The following LRRC41 variants were observed in gnomAD, a reference collection of about 807,000 sequenced individuals.
The protein encoded by LRRC41 is leucine rich repeat containing 41.
A neutral mutation model predicts 72.1 loss-of-function variants in LRRC41; 17 were observed. That is an observed-to-expected ratio of 0.24 (90% CI 0.16 to 0.35). LRRC41 has a LOEUF of 0.35. LRRC41 is among the 10% of genes least tolerant of loss of function. The probability of loss-of-function intolerance (pLI) is 1.00; values close to 1 mark genes in which losing one functional copy is unlikely to be tolerated. For missense variants in LRRC41, 759 were observed against 1,065.0 expected (o/e 0.71, Z 4.00); for synonymous variants, 427 against 431.0 (o/e 0.99, Z 0.11).
intron 1 of LRRC41, chr1:46,298,664 C>A: frequency 3.9e-6 from 1 of 257,350 alleles, no homozygotes; most frequent in Non-Finnish European, 7.3e-6. Flanking sequence ...CACTTCTGCC[C>A]AAGCAAAATG....
At chr1:46,282,076 CAAAAA>C (rs11284020) in intron 4 of LRRC41, among the ~76,000 whole-genome samples, 2 of 118,578 alleles carry the variant, frequency 1.7e-5, no homozygotes, top group Non-Finnish European at 3.7e-5. Context: ...AAGACTGTCT[CAAAAA>C]AAAAAAAAAA....
chr1:46,299,062 G>A (rs775999292), intron 1 of LRRC41: 1 of 152,128 alleles, frequency 6.6e-6, no homozygotes, highest in Non-Finnish European at 1.5e-5. Flanking sequence ...GAAACAATTC[G>A]TGTCTCTAAA....
chr1:46,287,355 G>A (rs10890387), intron 3 of LRRC41, among the ~76,000 whole-genome samples: 100,178 of 151,434 alleles, frequency 0.66, 34,097 homozygotes, highest in East Asian at 0.79. Context: ...TGATCCGCCC[G>A]CCTCGGCCTC....
chr1:46,285,274 T>A lies in LRRC41; in HGVS notation c.1495+88A>T, dbSNP rs559892995. 5 of 1,356,470 alleles carry A rather than the reference T, an allele frequency of 3.7e-6. No individual in the cohort carries two copies. In the African/African-American group the frequency reaches 7.2e-5, roughly 20 times the overall value. The allele number at this position is 1,356,470 out of a possible 1,614,324, so 84.0% of individuals were successfully genotyped here. ...TCTAACCTCCTGATCATACCCCCAA[T>A]TTGCCCCTCCCACCTCCCTAGAATT... is the stretch of plus-strand genomic sequence containing the variant. On this transcript the variant is annotated intron_variant, in intron 4 of 9. Transcript: ENST00000617190. The surrounding 1 kb of genome is among the most constrained non-coding windows in gnomAD (Gnocchi z 5.3).
rs1011106345 is a variant in LRRC41, at chr1:46,287,350, C to T, written c.358-851G>A. ...GTCTCGATCTCCTGACCTCATGATC[C>T]GCCCGCCTCGGCCTCCCAAAGTGCT... On this transcript the variant is annotated intron_variant, in intron 3 of 9. Transcript: ENST00000617190. 3.3e-5 allele frequency among the ~76,000 whole-genome samples: 5 copies of T among 152,028 alleles called. No homozygotes were observed. The South Asian group carries it at 6.2e-4, about 19-fold the overall frequency.
At position 46,285,779 on chromosome 1, in the gene LRRC41, CAGA is replaced by C. The variant is rs1330781749; in HGVS notation, c.1075_1077del (p.Ser359del). The C allele has an allele frequency of 2.5e-6, 4 of 1,595,838 alleles. No individual in the cohort carries two copies. Among genetic ancestry groups the C allele is most frequent in the Non-Finnish European group, 2.6e-6 (3 of 1,172,046 alleles). ...GAGGCAGAGGAGGTGGCTGCTGGAGCAGAAGGTGACCGCTTGGTGCCAGGAGCC... is the reference window on the plus strand; with the variant it reads ...GAGGCAGAGGAGGTGGCTGCTGGAGCAGGTGACCGCTTGGTGCCAGGAGCC... On this transcript the variant is annotated inframe_deletion, in exon 4 of 10. Transcript: ENST00000617190. This position sits in a 1 kb window ranked among gnomAD's most constrained non-coding sequence, Gnocchi z 5.3.
chr1:46,296,409 C>A (rs1216220847), intron 3 of LRRC41, among the ~76,000 whole-genome samples: 1 of 151,880 alleles, frequency 6.6e-6, no homozygotes, highest in Non-Finnish European at 1.5e-5. Flanking sequence ...AAGGGCAAAA[C>A]TCCGTCTCAA....
intron 1 of LRRC41, 26 bp from the exon 2 acceptor site, chr1:46,298,396 C>G (rs774481459): frequency 6.8e-7 from 1 of 1,470,500 alleles, no homozygotes; most frequent in South Asian, 1.2e-5. Context: ...CAAAAGTTTA[C>G]TTTTCCTCCC....
chr1:46,295,493 A>G (rs905287213), intron 3 of LRRC41, among the ~76,000 whole-genome samples: 2 of 152,234 alleles, frequency 1.3e-5, no homozygotes, highest in African/African-American at 2.4e-5. Flanking sequence ...CAGGCACTGA[A>G]TAACTGTTTG....
chr1:46,292,778 G>A lies in LRRC41; in HGVS notation c.357+4785C>T, dbSNP rs144478675. Among the ~76,000 whole-genome samples, 661 of 152,098 alleles carry A rather than the reference G, an allele frequency of 4.3e-3. 8 individuals carry two copies. Among genetic ancestry groups the A allele is most frequent in the African/African-American group, 0.015 (620 of 41,502 alleles). On this transcript the variant is annotated intron_variant, in intron 3 of 9. Coordinates refer to ENST00000617190, the MANE Select transcript of LRRC41 (RefSeq NM_006369.5). ...ATTTACCTTTTAAAATTTGGTTATG[G>A]TGTTGGCATTTTCATTTTTTTAATT...
At position 46,278,626 on chromosome 1, in the gene LRRC41, C is replaced by T. The variant is rs1357167681; in HGVS notation, c.*239G>A. 4.9e-6 allele frequency: 3 copies of T among 606,598 alleles called. No individual in the cohort carries two copies. The African/African-American group carries it at 5.6e-5, about 11-fold the overall frequency. The allele number at this position is 606,598 out of a possible 1,614,324, so 37.6% of individuals were successfully genotyped here. ...TATGATGACCACTGTAACCTCCTGG[C>T]CCAGGGTTCCCAGGATACTGAGTAA... On this transcript the variant is annotated 3_prime_UTR_variant, in exon 10 of 10. Transcript: ENST00000617190.
At position 46,303,285 on chromosome 1, in the gene LRRC41, C is replaced by G; in HGVS notation, c.38G>C (p.Trp13Ser). Residue 13 changes from tryptophan (W) to serine (S), a missense_variant, in exon 1 of 10, where the codon TGG (tryptophan) becomes TCG (serine). Trp to Ser is a radical substitution (Grantham distance 177). Coordinates refer to ENST00000617190, the MANE Select transcript of LRRC41 (RefSeq NM_006369.5). ...CGTTGCCGCCGCTACCTCACAGAAC[C>G]AGCAACTCCGGGCGCGCCAGGCCTC... ...APEAWRARSCWFCEVAAATTM... is the reference protein window; with the variant it reads ...APEAWRARSCSFCEVAAATTM... The G allele has an allele frequency of 6.5e-7, 1 of 1,542,364 alleles. No individual in the cohort carries two copies. Among genetic ancestry groups the G allele is most frequent in the Non-Finnish European group, 8.7e-7 (1 of 1,144,776 alleles).
intron 1 of LRRC41, chr1:46,301,903 C>T (rs1661236271): frequency 1.0e-6 from 1 of 969,036 alleles, no homozygotes; most frequent in African/African-American, 1.8e-5. Context: ...CGACCCCACC[C>T]TCACAGAGCC....
chr1:46,285,507 A>C lies in LRRC41; in HGVS notation c.1350T>G (p.Leu450=). The part of the protein sequence containing the change: ...LDGSDPSCLG[L]PALEASQRFR... ...ATCTTTGTGAAGCTTCCAGTGCTGG[A>C]AGCCCCAGGCAGCTGGGATCTGATC... The change falls in exon 4 of 10, where the codon CTT becomes CTG. Residue 450 remains leucine (L), a synonymous_variant. Coordinates refer to ENST00000617190, the MANE Select transcript of LRRC41 (RefSeq NM_006369.5). This position sits in a 1 kb window ranked among gnomAD's most constrained non-coding sequence, Gnocchi z 5.3. 6.2e-7 allele frequency: 1 copy of C among 1,614,166 alleles called. No individual in the cohort carries two copies. Among genetic ancestry groups the C allele is most frequent in the Non-Finnish European group, 8.5e-7 (1 of 1,180,038 alleles).
At chr1:46,280,114 A>G in intron 7 of LRRC41, 78 bp downstream of exon 7, 2 of 1,078,630 alleles carry the variant, frequency 1.9e-6, no homozygotes, top group South Asian at 1.3e-5. Flanking sequence ...AGAAAGGAAC[A>G]GTGGTTTGCT....
At chr1:46,290,384 G>T (rs2148320155) in intron 3 of LRRC41, among the ~76,000 whole-genome samples, 1 of 152,116 alleles carries the variant, frequency 6.6e-6, no homozygotes, top group East Asian at 1.9e-4. Context: ...ACTTCAGCCT[G>T]GGCAACTGGA....
Position 46,292,244 on chromosome 1 carries a change from G to A in LRRC41, c.357+5319C>T, listed in dbSNP as rs566201352. 6.6e-5 allele frequency among the ~76,000 whole-genome samples: 10 copies of A among 150,968 alleles called. No individual in the cohort carries two copies. In the East Asian group the frequency reaches 2.0e-3, roughly 30 times the overall value. On this transcript the variant is annotated intron_variant, in intron 3 of 9. Coordinates refer to ENST00000617190, the MANE Select transcript of LRRC41 (RefSeq NM_006369.5). ...ACTGCACTCCAGCCTGGGTGACAGA[G>A]AGAGACTCTGTCTCAAAAAAAAAAA...
intron 3 of LRRC41, among the ~76,000 whole-genome samples, chr1:46,293,330 C>T (rs771354213): frequency 7.9e-5 from 12 of 152,194 alleles, no homozygotes; most frequent in Admixed American, 3.3e-4. Flanking sequence ...GCCTTGACCC[C>T]TGACGCTCAA....
chr1:46,294,339 C>T (rs1661078646), intron 3 of LRRC41, among the ~76,000 whole-genome samples: 1 of 151,950 alleles, frequency 6.6e-6, no homozygotes, highest in Admixed American at 6.6e-5. Flanking sequence ...AACTCGTAAG[C>T]TCAAGCAATC....
Sources: allele counts gnomAD v4.1 joint callset (sites outside exome capture counted in the v4.1 genomes callset), GRCh38; gene constraint gnomAD v4.1.1; non-coding constraint Gnocchi (gnomAD v3.1); transcripts MANE v1.5; gene names NCBI Gene and HGNC (gene_info 2026-07-23, HGNC 2026-07-21).